GTF3A: variants seen among roughly 807,000 people sequenced by gnomAD.
GTF3A encodes the protein general transcription factor IIIA.
In GTF3A, 40 loss-of-function variants were observed where a neutral mutation model predicts 37.6. The observed-to-expected ratio is 1.06, with a 90% confidence interval of 0.83 to 1.38. GTF3A has a LOEUF of 1.38. GTF3A is among the 40% of genes most tolerant of loss of function. GTF3A has a pLI of 0.00. For missense variants in GTF3A, 500 were observed against 462.6 expected (o/e 1.08, Z -0.74); for synonymous variants, 191 against 166.7 (o/e 1.15, Z -1.12).
Position 27,435,409 on chromosome 13 carries a change from CGT to C in GTF3A, c.934-19_934-18del, listed in dbSNP as rs747266787. On this transcript the variant is annotated intron_variant, in intron 8 of 8. Transcript: ENST00000381140. ...GACAGTTTTGATTTTGAATTCTAAT[CGT>C]GTGTCTTCCTTATTCCCAAAGGTCA... The C allele has an allele frequency of 7.5e-6, 12 of 1,602,274 alleles. No individual in the cohort carries two copies. The African/African-American group carries it at 1.2e-4, about 16-fold the overall frequency.
intron 4 of GTF3A, among the ~76,000 whole-genome samples, chr13:27,431,304 AAAG>A (rs1191626717): frequency 6.6e-6 from 1 of 152,218 alleles, no homozygotes; most frequent in Non-Finnish European, 1.5e-5. Flanking sequence ...GGTCAAAGGA[AAAG>A]AAGTCACTAT....
In GTF3A at chr13:27,435,045, A is replaced by G. The variant is rs1593181273; in HGVS notation, c.873+11A>G. The G allele has an allele frequency of 1.3e-6, 2 of 1,545,408 alleles. No homozygotes were observed. The highest frequency in any genetic ancestry group is 1.8e-6 in the Non-Finnish European group (2 of 1,117,346). On this transcript the variant is annotated intron_variant, in intron 7 of 8. Transcript: ENST00000381140. ...ACATTTGCAATGAAAGTAAGCACTC[A>G]CCCTCATACTCATGGTCCTATAGTC... is the stretch of plus-strand genomic sequence containing the variant.
intron 5 of GTF3A, 102 bp from the exon 6 acceptor site, chr13:27,434,037 C>T (rs894043132): frequency 2.6e-5 from 18 of 692,822 alleles, no homozygotes; most frequent in African/African-American, 3.6e-5. Context: ...TACTATTAGG[C>T]GGGGAATGGA....
Position 27,434,140 on chromosome 13 carries a change from C to T in GTF3A, c.564C>T (p.Gly188=). The change falls in exon 6 of 9, where the codon GGC becomes GGT. Residue 188 remains glycine, a splice_region_variant and synonymous_variant. Transcript: ENST00000381140. The stretch of plus-strand genomic sequence containing the variant: ...ACAATGCACCAATTTTTTTAATAGG[C>T]TATGTATGTCAAAAAGGATGTTCCT... 2 of 1,168,742 alleles carry T rather than the reference C, an allele frequency of 1.7e-6. No individual in the cohort carries two copies. The highest frequency in any genetic ancestry group is 2.6e-6 in the Non-Finnish European group (2 of 773,006). 72.4% of individuals were successfully genotyped at this position (1,168,742 alleles called of 1,614,324 possible). A position where few individuals can be genotyped will look rare whatever the true frequency, so the allele number is the denominator to read the frequency against.
chr13:27,435,720 G>A lies in GTF3A; in HGVS notation c.*123G>A, dbSNP rs1953714187. On this transcript the variant is annotated 3_prime_UTR_variant, in exon 9 of 9. Coordinates refer to ENST00000381140, the MANE Select transcript of GTF3A (RefSeq NM_002097.3). The stretch of plus-strand genomic sequence containing the variant: ...ATTCCTTATCATTTCCATGGTCTTT[G>A]TTCAAAGTGTCTCTTTCCTGGGTCT... 1 of 1,614,068 alleles carries A rather than the reference G, an allele frequency of 6.2e-7. No individual in the cohort carries two copies. The highest frequency in any genetic ancestry group is 8.5e-7 in the Non-Finnish European group (1 of 1,179,986).
Position 27,424,808 on chromosome 13 carries a change from G to T in GTF3A, c.71G>T (p.Gly24Val), listed in dbSNP as rs1483241135. 6.5e-7 allele frequency: 1 copy of T among 1,546,420 alleles called. No individual in the cohort carries two copies. Among genetic ancestry groups the T allele is most frequent in the African/African-American group, 1.4e-5 (1 of 72,662 alleles). ...ATCGCCGACGCGTTCATTGCAGCCG[G>T]CGAGAGCTCAGCTCCGACCCCGCCG... The change falls in exon 1 of 9, where the codon GGC becomes GTC. Residue 24 changes from glycine (G) to valine (V), a missense_variant. Coordinates refer to ENST00000381140, the MANE Select transcript of GTF3A (RefSeq NM_002097.3).
intron 5 of GTF3A, among the ~76,000 whole-genome samples, chr13:27,433,527 CA>C (rs71657128): frequency 9.4e-5 from 11 of 116,812 alleles, no homozygotes; most frequent in East Asian, 2.8e-4. Context: ...AAAAAAAAAA[CA>C]AAAAAAAACT....
rs1953718539 is a variant in GTF3A, at chr13:27,435,807, A to G, written c.*210A>G. 6.2e-7 allele frequency: 1 copy of G among 1,614,212 alleles called. No homozygotes were observed. The highest frequency in any genetic ancestry group is 1.7e-5 in the Admixed American group (1 of 60,030). ...TGAAAGCACGAAGAACACACATTAA[A>G]GCTTTTCCTCCTTGAACAGCTTGTG... On this transcript the variant is annotated 3_prime_UTR_variant, in exon 9 of 9. Transcript: ENST00000381140.
At chr13:27,429,259 T>G (rs1953635142) in intron 2 of GTF3A, 1 of 135,774 alleles carries the variant, frequency 7.4e-6, no homozygotes, top group Non-Finnish European at 1.5e-5. Context: ...TCCCTCAAGC[T>G]TACGAAGGCT....
chr13:27,433,188 G>A (rs12583724), intron 5 of GTF3A, among the ~76,000 whole-genome samples: 13,304 of 143,588 alleles, frequency 0.093, 1,399 homozygotes, highest in African/African-American at 0.26. Context: ...CATTTTGAGA[G>A]CCATCAGATG....
chr13:27,433,738 G>A (rs1011491372), intron 5 of GTF3A, among the ~76,000 whole-genome samples: 1 of 152,072 alleles, frequency 6.6e-6, no homozygotes, highest in Non-Finnish European at 1.5e-5. Flanking sequence ...GATAGAGCAG[G>A]CAGGGGAAGG....
At chr13:27,432,625 G>A (rs1953667430) in intron 4 of GTF3A, 106 bp from the exon 5 acceptor site, 1 of 877,360 alleles carries the variant, frequency 1.1e-6, no homozygotes, top group South Asian at 1.5e-5. Context: ...TTGGTTATGG[G>A]AAGAGGCAAG....
intron 4 of GTF3A, among the ~76,000 whole-genome samples, chr13:27,432,360 C>A (rs1289480750): frequency 6.6e-6 from 1 of 152,206 alleles, no homozygotes; most frequent in East Asian, 1.9e-4. Context: ...ACCCCCTATG[C>A]AGCATCATTA....
rs1248234638 is a variant in GTF3A at position 27,427,177 on chromosome 13, G to T, written c.287G>T (p.Gly96Val). The change falls in exon 2 of 9, where the codon GGA becomes GTA. Residue 96 changes from glycine (G) to valine (V), a missense_variant. Gly to Val is a moderately radical substitution (Grantham distance 109). Coordinates refer to ENST00000381140, the MANE Select transcript of GTF3A (RefSeq NM_002097.3). ...AGCCGCCACATTCTGACTCACACAG[G>T]AGAAAAGCCGTTTGTGTAAGTAGAG... is the stretch of plus-strand genomic sequence containing the variant. 1 of 1,588,864 alleles carries T rather than the reference G, an allele frequency of 6.3e-7. No homozygotes were observed. Among genetic ancestry groups the T allele is most frequent in the Admixed American group, 1.7e-5 (1 of 59,438 alleles).
intron 5 of GTF3A, 63 bp downstream of exon 5, chr13:27,432,867 T>C (rs1953669992): frequency 1.5e-6 from 2 of 1,319,704 alleles, no homozygotes; most frequent in Admixed American, 2.0e-5. Flanking sequence ...CCTTTGAATC[T>C]GTTCTGTGAT....
chr13:27,435,628 G>A lies in GTF3A; in HGVS notation c.*31G>A, dbSNP rs1953709843. On this transcript the variant is annotated 3_prime_UTR_variant, in exon 9 of 9. Transcript: ENST00000381140. ...GCACTGCTTTGTTTAAAGGACTGCA[G>A]ACCAAGGAGCGAGCTTTCTCTCAGA... is the stretch of plus-strand genomic sequence containing the variant. The A allele has an allele frequency of 6.2e-7, 1 of 1,612,458 alleles. No individual in the cohort carries two copies. Among genetic ancestry groups the A allele is most frequent in the East Asian group, 2.2e-5 (1 of 44,866 alleles).
At chr13:27,434,706 G>C (rs1169298579) in intron 6 of GTF3A, 99 bp from the exon 7 acceptor site, 1 of 656,556 alleles carries the variant, frequency 1.5e-6, no homozygotes, top group Non-Finnish European at 2.7e-6. Context: ...ATAGTGATCA[G>C]GTTTCAGGCA....
chr13:27,425,523 A>G (rs144385462), intron 1 of GTF3A: 1 of 152,740 alleles, frequency 6.5e-6, no homozygotes, highest in East Asian at 1.9e-4. Flanking sequence ...TGTGCTAGGT[A>G]GAGAGAACAC....
In GTF3A at chr13:27,424,973, G is replaced by C. The variant is rs1175006573; in HGVS notation, c.201+35G>C. On this transcript the variant is annotated intron_variant, in intron 1 of 8. Coordinates refer to ENST00000381140, the MANE Select transcript of GTF3A (RefSeq NM_002097.3). ...GCGAGGCTGCCAACCCTGGGCCTAG[G>C]GATGGCGCGTGGCCCCGGGGTAGCC... is the stretch of plus-strand genomic sequence containing the variant. 2.7e-6 allele frequency: 4 copies of C among 1,487,036 alleles called. No homozygotes were observed. The African/African-American group carries it at 4.3e-5, about 16-fold the overall frequency. The allele number at this position is 1,487,036 out of a possible 1,614,324, so 92.1% of individuals were successfully genotyped here.
Sources: gnomAD v4.1 joint callset for allele counts (sites outside exome capture counted in the v4.1 genomes callset) on GRCh38, gnomAD v4.1.1 for gene constraint, MANE v1.5 for transcripts, NCBI Gene and HGNC (gene_info 2026-07-23, HGNC 2026-07-21) for gene names.